COBL: variants seen among roughly 807,000 people sequenced by gnomAD.
The protein encoded by COBL is protein cordon-bleu.
COBL carries 51 observed loss-of-function variants against 98.8 expected under a neutral mutation model. That is an observed-to-expected ratio of 0.52 (90% CI 0.41 to 0.65). The LOEUF (loss-of-function observed/expected upper bound fraction) is 0.65, where lower values mean the gene tolerates loss of function less well. COBL is among the 30% of genes least tolerant of loss of function. The pLI is 0.00. For missense variants in COBL, 1,617 were observed against 1,617.5 expected, an observed-to-expected ratio of 1.00 and a Z score of 0.01; for synonymous variants, 634 against 651.7, an observed-to-expected ratio of 0.97 and a Z score of 0.41.
chr7:51,236,378 G>T (rs1350634139), intron 1 of COBL, among the ~76,000 whole-genome samples: 3 of 152,194 alleles, frequency 2.0e-5, no homozygotes, highest in Non-Finnish European at 2.9e-5. Flanking sequence ...ATGCATGAAG[G>T]CCTCACAGAG....
intron 6 of COBL, among the ~76,000 whole-genome samples, chr7:51,087,119 A>AACACACAAAC (rs1554378175): frequency 2.7e-5 from 4 of 149,446 alleles, no homozygotes; most frequent in African/African-American, 9.9e-5. Flanking sequence ...CATACACACA[A>AACACACAAAC]ACACACACAC....
At chr7:51,248,467 C>T (rs990013934) in intron 1 of COBL, among the ~76,000 whole-genome samples, 6 of 152,076 alleles carry the variant, frequency 3.9e-5, no homozygotes, top group Non-Finnish European at 5.9e-5. Flanking sequence ...AACTGTCAGA[C>T]GATCCATTGG....
chr7:51,281,457 T>C (rs1425191184), intron 1 of COBL, among the ~76,000 whole-genome samples: 1 of 152,136 alleles, frequency 6.6e-6, no homozygotes, highest in Non-Finnish European at 1.5e-5. Context: ...CAGCAAACCC[T>C]ATACAGGATG....
rs759954278 is a variant in COBL, at chr7:51,190,846, T to C, written c.685+4A>G. On this transcript the variant is annotated splice_donor_region_variant and intron_variant, in intron 4 of 12. Transcript: ENST00000265136. ...CAGGTGCGTGAGACGCAGCGGGGCCTCACCTCTTCTGTTGTCCCACGCGTA... is the reference window on the plus strand; with the variant it reads ...CAGGTGCGTGAGACGCAGCGGGGCCCCACCTCTTCTGTTGTCCCACGCGTA... The C allele has an allele frequency of 1.2e-6, 2 of 1,612,968 alleles. No homozygotes were observed. Among genetic ancestry groups the C allele is most frequent in the Non-Finnish European group, 1.7e-6 (2 of 1,179,256 alleles).
intron 2 of COBL, among the ~76,000 whole-genome samples, chr7:51,207,768 C>T (rs1259841669): frequency 1.3e-5 from 2 of 152,262 alleles, no homozygotes; most frequent in African/African-American, 2.4e-5. Flanking sequence ...GTGACGTGAT[C>T]TCAGCTCGCT....
chr7:51,295,815 G>C (rs1339605127), intron 1 of COBL, among the ~76,000 whole-genome samples: 1 of 152,164 alleles, frequency 6.6e-6, no homozygotes, highest in African/African-American at 2.4e-5. Flanking sequence ...ACAGAAGTCT[G>C]CACTTCTCCA....
At chr7:51,286,885 T>TA (rs760130616) in intron 1 of COBL, among the ~76,000 whole-genome samples, 2 of 152,218 alleles carry the variant, frequency 1.3e-5, no homozygotes, top group East Asian at 1.9e-4. Context: ...TGGACTGGAT[T>TA]AAAAAAATAT....
chr7:51,166,370 C>T (rs570119667), intron 5 of COBL, among the ~76,000 whole-genome samples: 1 of 152,018 alleles, frequency 6.6e-6, no homozygotes, highest in African/African-American at 2.4e-5. Context: ...AGGAGAAATT[C>T]CTAGACACAT....
chr7:51,070,392 A>AACACACACACACACACACACACACACAC (rs369051694), intron 7 of COBL, among the ~76,000 whole-genome samples: 3,571 of 138,672 alleles, frequency 0.026, 97 homozygotes, highest in Non-Finnish European at 0.039. Context: ...AAACAGTTAA[A>AACACACACACACACACACACACACACAC]ACACACACAC....
intron 4 of COBL, among the ~76,000 whole-genome samples, chr7:51,185,781 T>C (rs902360581): frequency 2.0e-5 from 3 of 152,262 alleles, no homozygotes; most frequent in Non-Finnish European, 4.4e-5. Context: ...CCTGCTAATA[T>C]ATGATTTCAC....
intron 7 of COBL, among the ~76,000 whole-genome samples, chr7:51,079,301 T>C (rs1453555020): frequency 6.6e-6 from 1 of 152,192 alleles, no homozygotes. Context: ...AGGGATGTCC[T>C]ACAGACAGAC....
chr7:51,070,337 T>C (rs1213475089), intron 7 of COBL, among the ~76,000 whole-genome samples: 1 of 150,822 alleles, frequency 6.6e-6, no homozygotes, highest in South Asian at 2.1e-4. Context: ...GCAAAAGCTA[T>C]TTTGGGTTTT....
At chr7:51,164,819 T>C (rs751213645) in intron 5 of COBL, among the ~76,000 whole-genome samples, 2 of 151,936 alleles carry the variant, frequency 1.3e-5, no homozygotes, top group Non-Finnish European at 2.9e-5. Context: ...TTTAAAGACA[T>C]AGACAGTACA....
At position 51,191,103 on chromosome 7, in the gene COBL, A is replaced by T. The variant is rs185963206; in HGVS notation, c.457-25T>A. 3.1e-6 allele frequency: 5 copies of T among 1,601,608 alleles called. No individual in the cohort carries two copies. The East Asian group carries it at 1.1e-4, about 36-fold the overall frequency. ...TCTGGAAGAACACACAGGCAAAAAG[A>T]ATTCAGTAAGATATCCTCCCACAAG... On this transcript the variant is annotated intron_variant, in intron 3 of 12. Transcript: ENST00000265136.
At chr7:51,136,425 A>C (rs1583916793) in intron 5 of COBL, 94 bp from the exon 6 acceptor site, 1 of 1,329,224 alleles carries the variant, frequency 7.5e-7, no homozygotes, top group African/African-American at 1.5e-5. Flanking sequence ...CAATCCGTCC[A>C]CCTGAGCTTG....
At chr7:51,058,329 C>A (rs943840940) in intron 7 of COBL, among the ~76,000 whole-genome samples, 2 of 152,106 alleles carry the variant, frequency 1.3e-5, no homozygotes, top group African/African-American at 2.4e-5. Flanking sequence ...GGGAGGATCA[C>A]TTGAGCCCAG....
chr7:51,114,126 C>T (rs1797070553), intron 6 of COBL, among the ~76,000 whole-genome samples: 1 of 152,150 alleles, frequency 6.6e-6, no homozygotes, highest in African/African-American at 2.4e-5. Flanking sequence ...GTGCAGGGAG[C>T]CTGCTGGGGA....
chr7:51,179,112 G>A (rs986334188), intron 5 of COBL, among the ~76,000 whole-genome samples: 1 of 152,126 alleles, frequency 6.6e-6, no homozygotes, highest in Non-Finnish European at 1.5e-5. Context: ...GGAGATTAGG[G>A]CTCCTGGAAA....
intron 2 of COBL, among the ~76,000 whole-genome samples, chr7:51,212,750 CT>C (rs1045797902): frequency 6.6e-6 from 1 of 152,194 alleles, no homozygotes; most frequent in Non-Finnish European, 1.5e-5. Flanking sequence ...GGATTGCAAA[CT>C]TTAACACGCA....
Sources: gnomAD v4.1 joint callset for allele counts (sites outside exome capture counted in the v4.1 genomes callset) on GRCh38, gnomAD v4.1.1 for gene constraint, MANE v1.5 for transcripts, NCBI Gene and HGNC (gene_info 2026-07-23, HGNC 2026-07-21) for gene names.